TMEM182: variants seen among roughly 807,000 people sequenced by gnomAD.
TMEM182 encodes transmembrane protein 182.
Under a neutral mutation model 26.8 loss-of-function variants are expected in TMEM182, and 20 were observed. The observed-to-expected ratio is 0.75, with a 90% CI of 0.53 to 1.09. The LOEUF is 1.09. Ranked by LOEUF, TMEM182 falls within the 50% of genes least tolerant of loss-of-function variation. The pLI, the probability that TMEM182 is intolerant of heterozygous loss-of-function variation, is 0.00. For missense variants in TMEM182, 277 were observed against 275.5 expected (o/e 1.01, Z -0.04); for synonymous variants, 109 against 102.2 (o/e 1.07, Z -0.40).
upstream of TMEM182, among the ~76,000 whole-genome samples, chr2:102,760,650 T>C (rs1680178086): frequency 6.6e-6 from 1 of 152,184 alleles, no homozygotes; most frequent in Non-Finnish European, 1.5e-5. Flanking sequence ...GTTTTGCTCT[T>C]GTTGCCCAGG....
chr2:102,781,126 A>C (rs924822648), intron 3 of TMEM182, among the ~76,000 whole-genome samples: 3 of 152,194 alleles, frequency 2.0e-5, no homozygotes, highest in Non-Finnish European at 2.9e-5. Context: ...TGTACTTACT[A>C]GAAGGAATAG....
chr2:102,841,448 G>T (rs893540875), intron 3 of TMEM182, among the ~76,000 whole-genome samples: 1 of 152,120 alleles, frequency 6.6e-6, no homozygotes, highest in Non-Finnish European at 1.5e-5. Context: ...TGTCACTGTG[G>T]AGTCATTAAA....
At chr2:102,820,665 G>A (rs1682900376), downstream of TMEM182, among the ~76,000 whole-genome samples, 1 of 152,182 alleles carries the variant, frequency 6.6e-6, no homozygotes, top group South Asian at 2.1e-4. Flanking sequence ...GAAAACGCCT[G>A]AAAATGGAAA....
chr2:102,832,934 G>T (rs1683178834), intron 3 of TMEM182, among the ~76,000 whole-genome samples: 1 of 152,218 alleles, frequency 6.6e-6, no homozygotes, highest in Non-Finnish European at 1.5e-5. Context: ...AGACAGGCTT[G>T]GATGACCTGC....
At chr2:102,803,814 A>C (rs1682241525) in intron 4 of TMEM182, among the ~76,000 whole-genome samples, 1 of 152,146 alleles carries the variant, frequency 6.6e-6, no homozygotes, top group African/African-American at 2.4e-5. Context: ...GCTTAGGAAG[A>C]ACTGCCGACA....
At chr2:102,798,393 T>G (rs893939893) in intron 4 of TMEM182, among the ~76,000 whole-genome samples, 1 of 152,220 alleles carries the variant, frequency 6.6e-6, no homozygotes, top group Non-Finnish European at 1.5e-5. Context: ...GATCGTAACA[T>G]AAGTCTCTGT....
chr2:102,839,858 G>C (rs1379045928), intron 3 of TMEM182, among the ~76,000 whole-genome samples: 4 of 152,194 alleles, frequency 2.6e-5, no homozygotes, highest in African/African-American at 9.6e-5. Flanking sequence ...AAGCACAGAA[G>C]GTTAGAGGAT....
chr2:102,807,143 A>T (rs1165014538), intron 4 of TMEM182, among the ~76,000 whole-genome samples: 1 of 152,228 alleles, frequency 6.6e-6, no homozygotes, highest in Admixed American at 6.5e-5. Context: ...AAAGTTATAA[A>T]TGCTTGAGAA....
intron 1 of TMEM182, among the ~76,000 whole-genome samples, chr2:102,751,842 T>A (rs1679885100): frequency 2.0e-5 from 3 of 152,080 alleles, no homozygotes; most frequent in African/African-American, 7.2e-5. Context: ...AGTTTTTAAA[T>A]TTTTTGTAGA....
downstream of TMEM182, among the ~76,000 whole-genome samples, chr2:102,820,169 GGT>G (rs956558576): frequency 1.3e-4 from 20 of 152,146 alleles, no homozygotes; most frequent in African/African-American, 4.8e-4. Context: ...AGGTTCCTAG[GGT>G]GTTGTGTGGA....
At chr2:102,835,846 C>A (rs186803412) in intron 3 of TMEM182, among the ~76,000 whole-genome samples, 4 of 130,214 alleles carry the variant, frequency 3.1e-5, no homozygotes, top group East Asian at 2.8e-4. Context: ...ATCCCTCCCC[C>A]CTCCCCCGAC....
intron 4 of TMEM182, among the ~76,000 whole-genome samples, chr2:102,802,101 T>C (rs1205499788): frequency 6.6e-6 from 1 of 152,092 alleles, no homozygotes; most frequent in East Asian, 1.9e-4. Context: ...CGGTGGCTGC[T>C]TTATCGATGC....
intron 1 of TMEM182, among the ~76,000 whole-genome samples, chr2:102,750,576 T>C (rs1679849038): frequency 6.6e-6 from 1 of 152,214 alleles, no homozygotes; most frequent in African/African-American, 2.4e-5. Flanking sequence ...TGAAGGTCTT[T>C]CCGGGTATTC....
intron 4 of TMEM182, among the ~76,000 whole-genome samples, chr2:102,801,401 C>T (rs1682128050): frequency 6.6e-6 from 1 of 152,108 alleles, no homozygotes; most frequent in South Asian, 2.1e-4. Flanking sequence ...TAGCTTGAAG[C>T]AGGCTTTCAG....
intron 3 of TMEM182, among the ~76,000 whole-genome samples, chr2:102,842,950 T>TC (rs1683382566): frequency 6.6e-6 from 1 of 152,070 alleles, no homozygotes; most frequent in Non-Finnish European, 1.5e-5. Flanking sequence ...CACTGACACC[T>TC]CCCCTTGGCC....
At position 102,816,878 on chromosome 2, in the gene TMEM182, T is replaced by C. The variant is rs1224241554; in HGVS notation, c.*1910T>C. 1 of 985,754 alleles carries C rather than the reference T, an allele frequency of 1.0e-6. No homozygotes were observed. Among genetic ancestry groups the C allele is most frequent in the Non-Finnish European group, 1.2e-6 (1 of 829,942 alleles). 61.1% of individuals were successfully genotyped at this position (985,754 alleles called of 1,614,324 possible). ...TGCCATTTAAGTTTCACATACAAGC[T>C]GCTTTCGGCAAAGGCTTGAATATTT... On this transcript the variant is annotated 3_prime_UTR_variant, in exon 5 of 5. Transcript: ENST00000412401.
At position 102,764,407 on chromosome 2, in the gene TMEM182, C is replaced by G. The variant is rs770097022; in HGVS notation, c.311C>G (p.Thr104Ser). 1 of 1,613,876 alleles carries G rather than the reference C, an allele frequency of 6.2e-7. No individual in the cohort carries two copies. Reference protein sequence around the residue: ...YPFMRGEHNSTSYDSAVIYRG... With the variant: ...YPFMRGEHNSSSYDSAVIYRG... ...TTCATGAGAGGCGAGCACAACTCGA[C>G]CTCCTATGACTCTGCAGTTAGTAAG... Residue 104 changes from threonine to serine, a missense_variant, in exon 3 of 5, where the codon ACC (threonine) becomes AGC (serine). Physicochemically the swap from Thr to Ser is moderately conservative, Grantham distance 58 (BLOSUM62 1). Coordinates refer to ENST00000412401, the MANE Select transcript of TMEM182 (RefSeq NM_144632.5).
At chr2:102,825,858 A>G (rs1399526272) in intron 3 of TMEM182, among the ~76,000 whole-genome samples, 1 of 152,240 alleles carries the variant, frequency 6.6e-6, no homozygotes. Flanking sequence ...GCCCAAGGCC[A>G]CACAGCCAAA....
intron 4 of TMEM182, among the ~76,000 whole-genome samples, chr2:102,805,655 C>G (rs1682317254): frequency 1.3e-5 from 2 of 152,140 alleles, no homozygotes; most frequent in South Asian, 2.1e-4. Context: ...AATGACAGGC[C>G]TGGCAAACAA....
Sources: allele counts gnomAD v4.1 joint callset (sites outside exome capture counted in the v4.1 genomes callset), GRCh38; gene constraint gnomAD v4.1.1; transcripts MANE v1.5; gene names NCBI Gene and HGNC (gene_info 2026-07-23, HGNC 2026-07-21).